The following SPIDR variants were observed in gnomAD, a reference collection of about 807,000 sequenced individuals.
SPIDR encodes the protein scaffold protein involved in DNA repair, also known as DNA repair-scaffolding protein.
SPIDR carries 93 observed loss-of-function variants against 104.6 expected under a neutral mutation model. The observed-to-expected ratio is 0.89, with a 90% CI of 0.75 to 1.06. SPIDR has a LOEUF of 1.06. Among genes scored for constraint, SPIDR ranks in the 50% least tolerant of loss-of-function variants. The pLI is 0.00. For synonymous variants in SPIDR, 431 were observed against 416.9 expected (o/e 1.03, Z -0.41); for missense variants, 1,154 against 1,111.2 (o/e 1.04, Z -0.55).
chr8:47,368,151 C>T (rs967770535), intron 5 of SPIDR, among the ~76,000 whole-genome samples: 2 of 151,704 alleles, frequency 1.3e-5, no homozygotes, highest in African/African-American at 4.8e-5. Context: ...CTCTCTGGGA[C>T]CTTTTTAATA....
intron 5 of SPIDR, among the ~76,000 whole-genome samples, chr8:47,317,668 C>G (rs962311034): frequency 1.3e-5 from 2 of 152,058 alleles, no homozygotes; most frequent in Admixed American, 6.6e-5. Context: ...CCCTGACCCC[C>G]CCGAGTAGCT....
At chr8:47,558,577 A>G (rs1398821769) in intron 8 of SPIDR, among the ~76,000 whole-genome samples, 1 of 152,142 alleles carries the variant, frequency 6.6e-6, no homozygotes, top group Non-Finnish European at 1.5e-5. Flanking sequence ...GGTTACACTC[A>G]GCATTTGTGA....
chr8:47,444,499 G>A (rs79794978), intron 8 of SPIDR, among the ~76,000 whole-genome samples: 4 of 152,104 alleles, frequency 2.6e-5, no homozygotes, highest in African/African-American at 4.8e-5. Context: ...CCCTTCCATC[G>A]GTCCATTCAT....
intron 8 of SPIDR, among the ~76,000 whole-genome samples, chr8:47,452,833 T>C (rs1285429049): frequency 3.3e-5 from 5 of 152,232 alleles, no homozygotes; most frequent in African/African-American, 1.2e-4. Flanking sequence ...ACCACTCCTA[T>C]TCAACATAGT....
At chr8:47,468,747 C>T (rs1299461684) in intron 8 of SPIDR, among the ~76,000 whole-genome samples, 1 of 152,106 alleles carries the variant, frequency 6.6e-6, no homozygotes, top group Non-Finnish European at 1.5e-5. Context: ...CAAGACAACC[C>T]AGGCAGTACC....
chr8:47,348,080 T>A (rs1196718608), intron 5 of SPIDR, among the ~76,000 whole-genome samples: 2 of 152,240 alleles, frequency 1.3e-5, no homozygotes, highest in Non-Finnish European at 2.9e-5. Flanking sequence ...TTGCAGTGGC[T>A]GGTACTGGTT....
intron 14 of SPIDR, among the ~76,000 whole-genome samples, chr8:47,711,617 A>G (rs1343588876): frequency 6.6e-6 from 1 of 152,130 alleles, no homozygotes; most frequent in Admixed American, 6.5e-5. Context: ...CAGTGGACAG[A>G]GGAAGGAAAT....
intron 8 of SPIDR, among the ~76,000 whole-genome samples, chr8:47,481,178 C>A (rs2076860928): frequency 6.6e-6 from 1 of 152,212 alleles, no homozygotes; most frequent in African/African-American, 2.4e-5. Flanking sequence ...GTCACTATCA[C>A]AGTGTTATGA....
At position 47,694,762 on chromosome 8, in the gene SPIDR, T is replaced by C. The variant is rs191004935; in HGVS notation, c.1686-5641T>C. On this transcript the variant is annotated intron_variant, in intron 11 of 19. Coordinates refer to ENST00000297423, the MANE Select transcript of SPIDR (RefSeq NM_001080394.4). Reference sequence around the variant, plus strand: ...AGACTCTATCTCCAAAAAATATATATATTTGGGGTGTGTGTATGTGTGTAA... The same window carrying C: ...AGACTCTATCTCCAAAAAATATATACATTTGGGGTGTGTGTATGTGTGTAA... 5.7e-3 allele frequency among the ~76,000 whole-genome samples: 859 copies of C among 151,848 alleles called. 6 individuals are homozygous for C. The highest frequency in any genetic ancestry group is 0.01 in the Non-Finnish European group (681 of 67,972).
chr8:47,303,474 C>G (rs2042585002), intron 5 of SPIDR, among the ~76,000 whole-genome samples: 1 of 152,136 alleles, frequency 6.6e-6, no homozygotes, highest in East Asian at 1.9e-4. Context: ...TCCAACACTC[C>G]CCAGTGAGAT....
At chr8:47,400,413 G>A (rs2061721021) in intron 6 of SPIDR, among the ~76,000 whole-genome samples, 2 of 152,246 alleles carry the variant, frequency 1.3e-5, no homozygotes, top group Non-Finnish European at 2.9e-5. Context: ...ATGTGCTTAG[G>A]GTTGTTAGTC....
At chr8:47,518,946 GCTACTTTTAAAGT>G (rs1254134155) in intron 8 of SPIDR, among the ~76,000 whole-genome samples, 5 of 152,036 alleles carry the variant, frequency 3.3e-5, no homozygotes, top group Non-Finnish European at 7.4e-5. Context: ...CAAGTCTTAT[GCTACTTTTAAAGT>G]CTTACGTTAG....
chr8:47,713,772 C>G, intron 16 of SPIDR, 131 bp downstream of exon 16: 1 of 1,240,662 alleles, frequency 8.1e-7, no homozygotes, highest in Non-Finnish European at 1.1e-6. Flanking sequence ...ACATAAAGAA[C>G]AAAAGCAGAA....
chr8:47,438,356 G>A (rs1213819797), intron 7 of SPIDR, among the ~76,000 whole-genome samples: 1 of 152,224 alleles, frequency 6.6e-6, no homozygotes, highest in Non-Finnish European at 1.5e-5. Flanking sequence ...AAATGCTCCT[G>A]TGGCCGCTGT....
At chr8:47,480,637 G>A (rs2076800677) in intron 8 of SPIDR, among the ~76,000 whole-genome samples, 1 of 152,190 alleles carries the variant, frequency 6.6e-6, no homozygotes. Flanking sequence ...TGTTCTCGCT[G>A]CTCTCAGGGA....
At chr8:47,549,711 A>C (rs2090128914) in intron 8 of SPIDR, among the ~76,000 whole-genome samples, 1 of 152,146 alleles carries the variant, frequency 6.6e-6, no homozygotes, top group African/African-American at 2.4e-5. Flanking sequence ...CCTATTCTGT[A>C]GGTTGCCTGT....
At chr8:47,553,435 G>T (rs1278673831) in intron 8 of SPIDR, among the ~76,000 whole-genome samples, 2 of 152,158 alleles carry the variant, frequency 1.3e-5, no homozygotes. Context: ...TGGAGGCATT[G>T]TTCGTTTCTT....
intron 5 of SPIDR, among the ~76,000 whole-genome samples, chr8:47,321,011 G>A: frequency 6.6e-6 from 1 of 152,166 alleles, no homozygotes; most frequent in Admixed American, 6.5e-5. Context: ...AAAACTGGAA[G>A]CATTCCCTTT....
At chr8:47,659,497 G>A (rs2073647234) in intron 10 of SPIDR, among the ~76,000 whole-genome samples, 1 of 152,190 alleles carries the variant, frequency 6.6e-6, no homozygotes. Context: ...CTTTGGGAGC[G>A]CAGAGGCTGG....
Sources: gnomAD v4.1 joint callset for allele counts (sites outside exome capture counted in the v4.1 genomes callset) on GRCh38, gnomAD v4.1.1 for gene constraint, MANE v1.5 for transcripts, NCBI Gene and HGNC (gene_info 2026-07-23, HGNC 2026-07-21) for gene names.